The following PELI2 variants were observed in gnomAD, a reference collection of about 807,000 sequenced individuals.
PELI2 encodes the protein E3 ubiquitin-protein ligase pellino homolog 2.
PELI2 carries 23 observed loss-of-function variants against 42.3 expected under a neutral mutation model. That is an observed-to-expected ratio of 0.54 (90% CI 0.39 to 0.77). The LOEUF is 0.77. Among genes scored for constraint, PELI2 ranks in the 30% least tolerant of loss-of-function variants. The probability of loss-of-function intolerance (pLI) is 0.00; values close to 1 mark genes in which losing one functional copy is unlikely to be tolerated. For synonymous variants in PELI2, 245 were observed against 212.2 expected (o/e 1.15, Z -1.34); for missense variants, 463 against 553.2 (o/e 0.84, Z 1.64).
At chr14:56,133,667 T>C (rs1380855666) in intron 1 of PELI2, among the ~76,000 whole-genome samples, 1 of 152,244 alleles carries the variant, frequency 6.6e-6, no homozygotes, top group Non-Finnish European at 1.5e-5. Context: ...CTCTGCCTGC[T>C]ACAACCTGCT....
At chr14:56,221,896 T>G (rs1414124586) in intron 2 of PELI2, among the ~76,000 whole-genome samples, 2 of 152,192 alleles carry the variant, frequency 1.3e-5, no homozygotes, top group Non-Finnish European at 2.9e-5. Flanking sequence ...ATACGTATCC[T>G]GATAACATGT....
At chr14:56,193,772 A>C (rs532075734) in intron 2 of PELI2, among the ~76,000 whole-genome samples, 1 of 152,374 alleles carries the variant, frequency 6.6e-6, no homozygotes, top group East Asian at 1.9e-4. Flanking sequence ...AATGTAGAAA[A>C]AATGTTTTAA....
At chr14:56,257,176 GAGTTA>G (rs995056023) in intron 2 of PELI2, among the ~76,000 whole-genome samples, 2 of 152,144 alleles carry the variant, frequency 1.3e-5, no homozygotes, top group Admixed American at 6.6e-5. Context: ...GATCAGAGAA[GAGTTA>G]AGTTAATTGT....
chr14:56,241,038 T>G (rs968145810), intron 2 of PELI2, among the ~76,000 whole-genome samples: 1 of 152,196 alleles, frequency 6.6e-6, no homozygotes, highest in Non-Finnish European at 1.5e-5. Context: ...ATCTTGACAG[T>G]CTCCCCTTGC....
intron 1 of PELI2, among the ~76,000 whole-genome samples, chr14:56,167,921 C>CA (rs1370840006): frequency 6.6e-6 from 1 of 152,166 alleles, no homozygotes; most frequent in Non-Finnish European, 1.5e-5. Context: ...CTTGGAGACT[C>CA]AGAGAGAAAC....
intron 2 of PELI2, among the ~76,000 whole-genome samples, chr14:56,192,285 C>G (rs780694981): frequency 6.6e-6 from 1 of 152,106 alleles, no homozygotes; most frequent in East Asian, 1.9e-4. Context: ...AGTGTACATT[C>G]CCTGTTCATC....
chr14:56,241,992 C>T (rs976450017), intron 2 of PELI2, among the ~76,000 whole-genome samples: 2 of 152,136 alleles, frequency 1.3e-5, no homozygotes, highest in African/African-American at 4.8e-5. Context: ...AAGAAGGCGG[C>T]AAAGGGAATT....
intron 2 of PELI2, among the ~76,000 whole-genome samples, chr14:56,205,437 G>C (rs991016724): frequency 6.6e-6 from 1 of 152,142 alleles, no homozygotes; most frequent in Admixed American, 6.5e-5. Context: ...AAATTCAGCA[G>C]GGAAGAGTTG....
intron 1 of PELI2, among the ~76,000 whole-genome samples, chr14:56,173,140 C>T (rs761172451): frequency 4.5e-4 from 69 of 152,216 alleles, no homozygotes; most frequent in Non-Finnish European, 8.2e-4. Context: ...TGCCTCCCCC[C>T]GGATGTCCCT....
intron 1 of PELI2, among the ~76,000 whole-genome samples, chr14:56,165,751 A>G (rs1443010565): frequency 6.6e-6 from 1 of 152,070 alleles, no homozygotes; most frequent in Non-Finnish European, 1.5e-5. Context: ...TGGCCCCTTT[A>G]TCGTTATATA....
chr14:56,287,540 A>G (rs1889684631), intron 3 of PELI2, among the ~76,000 whole-genome samples: 1 of 152,224 alleles, frequency 6.6e-6, no homozygotes, highest in African/African-American at 2.4e-5. Context: ...TGTGTTTTCA[A>G]AACCTGAAAT....
intron 1 of PELI2, among the ~76,000 whole-genome samples, chr14:56,175,784 G>A (rs557828921): frequency 5.9e-5 from 9 of 152,190 alleles, no homozygotes; most frequent in South Asian, 2.1e-4. Flanking sequence ...GTTGTAACTC[G>A]TGGAAATCAA....
chr14:56,249,007 G>A (rs74702165), intron 2 of PELI2, among the ~76,000 whole-genome samples: 3,147 of 152,218 alleles, frequency 0.021, 120 homozygotes, highest in African/African-American at 0.072. Flanking sequence ...TTGTGTTTCC[G>A]TTGGGCCTTT....
At chr14:56,164,531 G>A (rs973352479) in intron 1 of PELI2, among the ~76,000 whole-genome samples, 2 of 151,806 alleles carry the variant, frequency 1.3e-5, no homozygotes, top group African/African-American at 4.8e-5. Context: ...TGTGGTTTTG[G>A]TATCAGGGAA....
At chr14:56,223,497 T>C (rs1887224583) in intron 2 of PELI2, among the ~76,000 whole-genome samples, 1 of 152,204 alleles carries the variant, frequency 6.6e-6, no homozygotes, top group South Asian at 2.1e-4. Flanking sequence ...TGTTGTCCTG[T>C]TCCCCTATGG....
chr14:56,250,610 G>A (rs375664804), intron 2 of PELI2, among the ~76,000 whole-genome samples: 1 of 152,132 alleles, frequency 6.6e-6, no homozygotes, highest in East Asian at 1.9e-4. Context: ...TTCGAGGGCA[G>A]GAAGCATGCG....
chr14:56,202,672 A>C (rs1886372340), intron 2 of PELI2, among the ~76,000 whole-genome samples: 1 of 152,192 alleles, frequency 6.6e-6, no homozygotes, highest in African/African-American at 2.4e-5. Flanking sequence ...GCCTAGGTGT[A>C]GGATGATTGA....
chr14:56,158,762 A>G (rs1884656370), intron 1 of PELI2, among the ~76,000 whole-genome samples: 1 of 152,232 alleles, frequency 6.6e-6, no homozygotes, highest in African/African-American at 2.4e-5. Flanking sequence ...ATTATTTTGT[A>G]TCTAAAATTG....
At chr14:56,264,848 G>A (rs1425413379) in intron 2 of PELI2, among the ~76,000 whole-genome samples, 1 of 152,206 alleles carries the variant, frequency 6.6e-6, no homozygotes, top group East Asian at 1.9e-4. Context: ...AGGAGCAGTG[G>A]CTCAGTATTC....
Sources: gnomAD v4.1 joint callset for allele counts (sites outside exome capture counted in the v4.1 genomes callset) on GRCh38, gnomAD v4.1.1 for gene constraint, MANE v1.5 for transcripts, NCBI Gene and HGNC (gene_info 2026-07-23, HGNC 2026-07-21) for gene names.